The following GNAI3 variants were observed in gnomAD, a reference collection of about 807,000 sequenced individuals.
The protein encoded by GNAI3 is G protein subunit alpha i3.
A neutral mutation model predicts 41.8 loss-of-function variants in GNAI3; 12 were observed. The observed-to-expected ratio is 0.29, with a 90% CI of 0.18 to 0.47. The LOEUF is 0.47. Among genes scored for constraint, GNAI3 ranks in the 20% least tolerant of loss-of-function variants. The pLI is 1.00. For missense variants in GNAI3, 360 were observed against 429.6 expected (o/e 0.84, Z 1.43); for synonymous variants, 132 against 146.5 (o/e 0.90, Z 0.71).
chr1:109,563,643 A>T (rs1473192327), intron 1 of GNAI3, among the ~76,000 whole-genome samples: 1 of 152,138 alleles, frequency 6.6e-6, no homozygotes, highest in Non-Finnish European at 1.5e-5. Flanking sequence ...ATGGTTTATG[A>T]TGCTTGTAAA....
At chr1:109,582,148 G>A (rs1648905883) in intron 4 of GNAI3, among the ~76,000 whole-genome samples, 1 of 152,026 alleles carries the variant, frequency 6.6e-6, no homozygotes, top group Admixed American at 6.6e-5. Context: ...GCACCACCAT[G>A]CTTAGCTAAT....
rs556850639 is a variant in GNAI3 at position 109,595,196 on chromosome 1, A to G, written c.*2874A>G. ...AGGTGCCTATGCTTTGGACCATCAA[A>G]GAAGCCATTAGTCTCTGTGTAAAGA... On this transcript the variant is annotated 3_prime_UTR_variant, in exon 9 of 9. Coordinates refer to ENST00000369851, the MANE Select transcript of GNAI3 (RefSeq NM_006496.4). The G allele has an allele frequency of 6.6e-6, 1 of 152,340 alleles. No homozygotes were observed. Among genetic ancestry groups the G allele is most frequent in the Admixed American group, 6.5e-5 (1 of 15,308 alleles). 9.4% of individuals were successfully genotyped at this position (152,340 alleles called of 1,614,324 possible).
intron 5 of GNAI3, among the ~76,000 whole-genome samples, chr1:109,585,897 C>T (rs1457793933): frequency 6.6e-6 from 1 of 152,060 alleles, no homozygotes; most frequent in African/African-American, 2.4e-5. Context: ...CTTTGCTTTT[C>T]CTGTCTTTTC....
chr1:109,598,893 GGCTGTGCCGGGTA>G lies in GNAI3; in HGVS notation c.*6573_*6585del, dbSNP rs1557916052. On this transcript the variant is annotated 3_prime_UTR_variant, in exon 9 of 9. Coordinates refer to ENST00000369851, the MANE Select transcript of GNAI3 (RefSeq NM_006496.4). Reference sequence around the variant, plus strand: ...ATCCTTCTGGAATCTGTGCTCTGGGGGCTGTGCCGGGTAGAGAGGGCAGTGGGAGGTAAGAGCT... The same window carrying G: ...ATCCTTCTGGAATCTGTGCTCTGGGGGAGAGGGCAGTGGGAGGTAAGAGCT... 1 of 534,738 alleles carries G rather than the reference GGCTGTGCCGGGTA, an allele frequency of 1.9e-6. No homozygotes were observed. The highest frequency in any genetic ancestry group is 1.9e-5 in the Admixed American group (1 of 51,600). 33.1% of individuals were successfully genotyped at this position (534,738 alleles called of 1,614,324 possible).
rs779296429 is a variant in GNAI3 at position 109,592,065 on chromosome 1, A to G, written c.897A>G (p.Ala299=). ...EYTGSNTYEE[A]AAYIQCQFED... The stretch of plus-strand genomic sequence containing the variant: ...TAGGTTCCAATACATATGAAGAGGC[A>G]GCTGCCTATATTCAATGCCAGTTTG... The change falls in exon 8 of 9, where the codon GCA becomes GCG. Residue 299 remains alanine (A), a synonymous_variant. Coordinates refer to ENST00000369851, the MANE Select transcript of GNAI3 (RefSeq NM_006496.4). 1 of 1,611,306 alleles carries G rather than the reference A, an allele frequency of 6.2e-7. No individual in the cohort carries two copies. Among genetic ancestry groups the G allele is most frequent in the East Asian group, 2.2e-5 (1 of 44,858 alleles).
chr1:109,591,886 T>A (rs567895054), intron 7 of GNAI3, among the ~76,000 whole-genome samples, 157 bp from the exon 8 acceptor site: 46 of 152,352 alleles, frequency 3.0e-4, no homozygotes, highest in Middle Eastern at 3.4e-3. Flanking sequence ...ACGAAGAACC[T>A]AATTATAGAA....
chr1:109,581,265 GT>G (rs1281062195), intron 4 of GNAI3, among the ~76,000 whole-genome samples: 1 of 150,250 alleles, frequency 6.7e-6, no homozygotes, highest in Non-Finnish European at 1.5e-5. Flanking sequence ...TTTACAATTT[GT>G]TTTTGATTTA....
intron 1 of GNAI3, among the ~76,000 whole-genome samples, chr1:109,555,370 A>G (rs1330910566): frequency 6.6e-6 from 1 of 152,238 alleles, no homozygotes; most frequent in Non-Finnish European, 1.5e-5. Flanking sequence ...GAGCCCAGAA[A>G]TAAAGCCAAA....
In GNAI3 at chr1:109,574,027, C is replaced by G. The variant is rs773259816; in HGVS notation, c.293C>G (p.Ala98Gly). ...CGGCTAAAGATTGACTTTGGGGAAG[C>G]TGCCAGGGCAGTAAGTGTTTCTCAT... ...MGRLKIDFGEAARADDARQLF... is the reference protein window; with the variant it reads ...MGRLKIDFGEGARADDARQLF... Residue 98 changes from alanine (A) to glycine (G), a missense_variant, in exon 3 of 9, where the codon GCT (alanine) becomes GGT (glycine). Transcript: ENST00000369851. 4 of 1,608,920 alleles carry G rather than the reference C, an allele frequency of 2.5e-6. No individual in the cohort carries two copies. In the South Asian group the frequency reaches 3.3e-5, roughly 13 times the overall value.
At position 109,567,851 on chromosome 1, in the gene GNAI3, G is replaced by A. The variant is rs544332747; in HGVS notation, c.119-5886G>A. Among the ~76,000 whole-genome samples, 11 of 152,268 alleles carry A rather than the reference G, an allele frequency of 7.2e-5. No homozygotes were observed. The East Asian group carries it at 1.9e-3, about 27-fold the overall frequency. On this transcript the variant is annotated intron_variant, in intron 1 of 8. Transcript: ENST00000369851. The stretch of plus-strand genomic sequence containing the variant: ...ATTTTTTATTGACCCCCATTCAGAT[G>A]AGGAAATTCATTGTGCTTGAAGGCA...
intron 1 of GNAI3, among the ~76,000 whole-genome samples, chr1:109,553,293 C>G (rs897841832): frequency 3.3e-5 from 5 of 151,726 alleles, no homozygotes; most frequent in African/African-American, 7.3e-5. Context: ...ATTATCTGCT[C>G]TCTGTATTTC....
In GNAI3 at chr1:109,586,889, G is replaced by T; in HGVS notation, c.874+7G>T. 6.3e-7 allele frequency: 1 copy of T among 1,580,418 alleles called. No homozygotes were observed. The highest frequency in any genetic ancestry group is 1.1e-5 in the South Asian group (1 of 89,494). Reference sequence around the variant, plus strand: ...TGTTATCCAGAATACACAGGTAAGGGGTTATGAAAGATTTTATTGGAGGTA... The same window carrying T: ...TGTTATCCAGAATACACAGGTAAGGTGTTATGAAAGATTTTATTGGAGGTA... On this transcript the variant is annotated splice_region_variant and intron_variant, in intron 7 of 8. Transcript: ENST00000369851.
chr1:109,588,896 T>C (rs1649101859), intron 7 of GNAI3, among the ~76,000 whole-genome samples: 1 of 151,878 alleles, frequency 6.6e-6, no homozygotes, highest in African/African-American at 2.4e-5. Context: ...CATCAATCAA[T>C]CAATCAATCA....
chr1:109,558,237 A>G (rs990137948), intron 1 of GNAI3, among the ~76,000 whole-genome samples: 1 of 152,054 alleles, frequency 6.6e-6, no homozygotes, highest in African/African-American at 2.4e-5. Flanking sequence ...AGCCTGGCCA[A>G]CATGGTGAAG....
rs1430571288 is a variant in GNAI3, at chr1:109,586,322, GT to G, written c.699del (p.Leu234TrpfsTer7). ...TGTGGCCCTCAGTGATTATGACCTT[GT>G]TCTGGCTGAGGACGAGGAGATGGTA... Reference protein sequence around the residue: ...FCVALSDYDLVLAEDEEMNRM... With the variant: ...FCVALSDYDLXLAEDEEMNRM... On this transcript the variant is annotated frameshift_variant, in exon 6 of 9. Coordinates refer to ENST00000369851, the MANE Select transcript of GNAI3 (RefSeq NM_006496.4). LOFTEE classifies it high-confidence loss of function. 1 of 1,612,360 alleles carries G rather than the reference GT, an allele frequency of 6.2e-7. No individual in the cohort carries two copies. The highest frequency in any genetic ancestry group is 1.3e-5 in the African/African-American group (1 of 74,828).
chr1:109,566,811 C>T (rs1173697583), intron 1 of GNAI3, among the ~76,000 whole-genome samples: 1 of 152,196 alleles, frequency 6.6e-6, no homozygotes, highest in Non-Finnish European at 1.5e-5. Context: ...GATCCACCCG[C>T]CTCGGCCTCC....
At chr1:109,548,985 A>T in intron 1 of GNAI3, 147 bp downstream of exon 1, 2 of 415,894 alleles carry the variant, frequency 4.8e-6, no homozygotes, top group Non-Finnish European at 4.6e-6. Context: ...TGGGGTTCCT[A>T]GCTGAGGCCC....
At chr1:109,572,297 G>T (rs995857957) in intron 1 of GNAI3, among the ~76,000 whole-genome samples, 2 of 152,142 alleles carry the variant, frequency 1.3e-5, no homozygotes, top group African/African-American at 2.4e-5. Context: ...GCTACAGAGC[G>T]GGACTCCATC....
intron 1 of GNAI3, among the ~76,000 whole-genome samples, chr1:109,563,848 G>A (rs1221998832): frequency 1.5e-5 from 2 of 137,340 alleles, no homozygotes; most frequent in African/African-American, 5.6e-5. Flanking sequence ...GGACACACAG[G>A]TTGCTTCAAA....
Sources: gnomAD v4.1 joint callset for allele counts (sites outside exome capture counted in the v4.1 genomes callset) on GRCh38, gnomAD v4.1.1 for gene constraint, MANE v1.5 for transcripts, NCBI Gene and HGNC (gene_info 2026-07-23, HGNC 2026-07-21) for gene names.